RYR2: variants seen among roughly 807,000 people sequenced by gnomAD.
RYR2 encodes cardiac muscle ryanodine receptor-calcium release channel.
Under a neutral mutation model 601.1 loss-of-function variants are expected in RYR2, and 227 were observed. The observed-to-expected ratio is 0.38, with a 90% CI of 0.34 to 0.42. The LOEUF (loss-of-function observed/expected upper bound fraction) is 0.42. Ranked by LOEUF, RYR2 falls within the 10% of genes least tolerant of loss-of-function variation. The pLI, the probability that RYR2 is intolerant of heterozygous loss-of-function variation, is 1.00. For synonymous variants in RYR2, 2,223 were observed against 2,175.1 expected, an observed-to-expected ratio of 1.02 and a Z score of -0.61; for missense variants, 4,646 against 6,156.5, an observed-to-expected ratio of 0.75 and a Z score of 8.21.
chr1:237,042,419 C>T lies in RYR2; in HGVS notation c.-103C>T. The T allele has an allele frequency of 8.9e-7, 1 of 1,122,832 alleles. No individual in the cohort carries two copies. Among genetic ancestry groups the T allele is most frequent in the East Asian group, 3.6e-5 (1 of 27,524 alleles). The allele number at this position is 1,122,832 out of a possible 1,614,324, so 69.6% of individuals were successfully genotyped here. A position where few individuals can be genotyped will look rare whatever the true frequency, so the allele number is the denominator to read the frequency against. On this transcript the variant is annotated 5_prime_UTR_variant, in exon 1 of 105. Transcript: ENST00000366574. ...ACCCGGCAGCGCGGCCCCCTCCAGC[C>T]CCCGGCTCCCGGCAGCAGAAGCAGA...
At chr1:237,254,203 G>C (rs1184775701) in intron 1 of RYR2, among the ~76,000 whole-genome samples, 2 of 128,316 alleles carry the variant, frequency 1.6e-5, no homozygotes, top group Non-Finnish European at 3.7e-5. Context: ...CCAGATTACT[G>C]TTATTTTTTT....
chr1:237,191,329 A>C (rs1679946595), intron 1 of RYR2, among the ~76,000 whole-genome samples: 1 of 152,018 alleles, frequency 6.6e-6, no homozygotes, highest in Admixed American at 6.5e-5. Context: ...GTATGTTTTG[A>C]AATCAGGGAG....
At chr1:237,734,064 G>T (rs1217525797) in intron 79 of RYR2, among the ~76,000 whole-genome samples, 1 of 152,154 alleles carries the variant, frequency 6.6e-6, no homozygotes, top group Non-Finnish European at 1.5e-5. Flanking sequence ...TTTGTCTGAT[G>T]GGGAAGATAA....
intron 62 of RYR2, 73 bp from the exon 63 acceptor site, chr1:237,687,382 T>TTTTTATTTTCCCCC: frequency 1.5e-6 from 1 of 685,742 alleles, no homozygotes; most frequent in Non-Finnish European, 2.4e-6. Context: ...TTTTTTTTTT[T>TTTTTATTTTCCCCC]TTAATTTCCC....
chr1:237,639,751 G>A (rs1185503216), intron 46 of RYR2, among the ~76,000 whole-genome samples: 4 of 152,040 alleles, frequency 2.6e-5, no homozygotes, highest in Non-Finnish European at 5.9e-5. Flanking sequence ...TCCAGTCATC[G>A]ACATAAGTAA....
intron 27 of RYR2, among the ~76,000 whole-genome samples, chr1:237,564,436 A>G (rs1671762406): frequency 6.6e-6 from 1 of 151,850 alleles, no homozygotes; most frequent in African/African-American, 2.4e-5. Flanking sequence ...GGCCCTGATG[A>G]TTTTTGTATT....
intron 99 of RYR2, among the ~76,000 whole-genome samples, chr1:237,808,472 C>T (rs1401034556): frequency 2.0e-5 from 3 of 151,884 alleles, no homozygotes; most frequent in African/African-American, 4.8e-5. Context: ...ACCAGCCTGA[C>T]AAACATGGAG....
chr1:237,132,368 ATGGCAGATCATGAGCTAGAGCCAGCAGCT>A (rs1468530115), intron 1 of RYR2, among the ~76,000 whole-genome samples: 2 of 152,228 alleles, frequency 1.3e-5, no homozygotes, highest in Non-Finnish European at 2.9e-5. Flanking sequence ...TAGTAATGTC[ATGGCAGATCATGAGCTAGAGCCAGCAGCT>A]TAGGTGCTCT....
Position 237,111,486 on chromosome 1 carries a change from A to G in RYR2, c.48+68917A>G, listed in dbSNP as rs1013507631. 9.7e-4 allele frequency among the ~76,000 whole-genome samples: 147 copies of G among 151,264 alleles called. 1 individual carries two copies. The highest frequency in any genetic ancestry group is 3.4e-3 in the African/African-American group (142 of 41,208). ...GCCTGTTGTCCCAGCTACTCAGGAG[A>G]CTGTGGGAGGAGAATCGCTTGAACC... On this transcript the variant is annotated intron_variant, in intron 1 of 104. Transcript: ENST00000366574.
chr1:237,395,179 A>G (rs997313578), intron 10 of RYR2, among the ~76,000 whole-genome samples: 1 of 152,218 alleles, frequency 6.6e-6, no homozygotes, highest in African/African-American at 2.4e-5. Flanking sequence ...TATATTCAGG[A>G]TGAAGTGAAT....
At chr1:237,086,002 GC>G (rs1262105550) in intron 1 of RYR2, among the ~76,000 whole-genome samples, 1 of 152,188 alleles carries the variant, frequency 6.6e-6, no homozygotes, top group Non-Finnish European at 1.5e-5. Context: ...CGACCTGACT[GC>G]CTTGGCCTCT....
chr1:237,133,924 C>CAA lies in RYR2; in HGVS notation c.48+91370_48+91371dup, dbSNP rs10639948. On this transcript the variant is annotated intron_variant, in intron 1 of 104. Coordinates refer to ENST00000366574, the MANE Select transcript of RYR2 (RefSeq NM_001035.3). ...TGGGTGACAGAGCAAGACTCCGTCT[C>CAA]AAAAAAAAAAAAAAAACCAAGTGGG... Among the ~76,000 whole-genome samples the CAA allele has an allele frequency of 7.0e-5, 7 of 100,460 alleles. 1 individual carries two copies. The highest frequency in any genetic ancestry group is 9.3e-5 in the Non-Finnish European group (5 of 53,852). 65.9% of individuals were successfully genotyped at this position (100,460 alleles called of 152,430 possible).
chr1:237,546,015 TAAAAG>T (rs895677051), intron 25 of RYR2, among the ~76,000 whole-genome samples: 5 of 151,082 alleles, frequency 3.3e-5, no homozygotes, highest in African/African-American at 4.8e-5. Context: ...TATTCTAAAA[TAAAAG>T]AAAATACTTT....
intron 43 of RYR2, 104 bp downstream of exon 43, chr1:237,633,814 A>G: frequency 8.9e-7 from 1 of 1,118,788 alleles, no homozygotes; most frequent in South Asian, 1.8e-5. Context: ...CTGAATAGAC[A>G]TTTCACAAAA....
rs202049231 is a variant in RYR2, at chr1:237,190,869, G to GT, written c.49-79623dup. ...TATTTTCCCCCATTCTGTAAGCTGC[G>GT]TTTTTACTCTGTTGACTGTTTCCTT... On this transcript the variant is annotated intron_variant, in intron 1 of 104. Coordinates refer to ENST00000366574, the MANE Select transcript of RYR2 (RefSeq NM_001035.3). Among the ~76,000 whole-genome samples, 1,189 of 152,162 alleles carry GT rather than the reference G, an allele frequency of 7.8e-3. 22 individuals are homozygous for GT. Among genetic ancestry groups the GT allele is most frequent in the African/African-American group, 0.028 (1,144 of 41,492 alleles).
At position 237,529,760 on chromosome 1, in the gene RYR2, TACACACACACACAC is replaced by T. The variant is rs71561882; in HGVS notation, c.2823-642_2823-629del. ...TATAAAAGGTAAAACAATAATATCA[TACACACACACACAC>T]ACACACACACACACACACACACACC... On this transcript the variant is annotated intron_variant, in intron 24 of 104. Coordinates refer to ENST00000366574, the MANE Select transcript of RYR2 (RefSeq NM_001035.3). Among the ~76,000 whole-genome samples, 1,269 of 134,588 alleles carry T rather than the reference TACACACACACACAC, an allele frequency of 9.4e-3. 21 individuals carry two copies. The highest frequency in any genetic ancestry group is 0.033 in the African/African-American group (1,186 of 35,782). 88.3% of individuals were successfully genotyped at this position (134,588 alleles called of 152,430 possible).
intron 63 of RYR2, among the ~76,000 whole-genome samples, chr1:237,690,935 G>A (rs1686887337): frequency 6.6e-6 from 1 of 152,172 alleles, no homozygotes; most frequent in African/African-American, 2.4e-5. Flanking sequence ...CTATGCCAGT[G>A]TGGATTTTTC....
Position 237,493,107 on chromosome 1 carries a change from G to A in RYR2, c.1961+20G>A. The A allele has an allele frequency of 6.2e-7, 1 of 1,613,160 alleles. No individual in the cohort carries two copies. The highest frequency in any genetic ancestry group is 8.5e-7 in the Non-Finnish European group (1 of 1,179,528). On this transcript the variant is annotated intron_variant, in intron 19 of 104. Transcript: ENST00000366574. The stretch of plus-strand genomic sequence containing the variant: ...CAGCAGGTAAATTCAGACAGACAAT[G>A]TCACCTGACAGGTACCATAATAAAA...
At chr1:237,148,526 AAATATAT>A (rs1312057780) in intron 1 of RYR2, among the ~76,000 whole-genome samples, 12 of 79,762 alleles carry the variant, frequency 1.5e-4, no homozygotes, top group East Asian at 1.4e-3. Context: ...AAAAAAAAAA[AAATATAT>A]ATATATATAT....
Sources: gnomAD v4.1 joint callset for allele counts (sites outside exome capture counted in the v4.1 genomes callset) on GRCh38, gnomAD v4.1.1 for gene constraint, MANE v1.5 for transcripts, NCBI Gene and HGNC (gene_info 2026-07-23, HGNC 2026-07-21) for gene names.